Variants in ASPM observed in about 807,000 individuals in gnomAD.
ASPM encodes the protein abnormal spindle-like microcephaly-associated protein.
A neutral mutation model predicts 366.4 loss-of-function variants in ASPM; 256 were observed. That is an observed-to-expected ratio of 0.70 (90% confidence interval 0.63 to 0.77). The LOEUF (loss-of-function observed/expected upper bound fraction) is 0.77, where lower values mean the gene tolerates loss of function less well. Ranked by LOEUF, ASPM falls within the 30% of genes least tolerant of loss-of-function variation. The pLI, the probability that ASPM is intolerant of heterozygous loss-of-function variation, is 0.00. For synonymous variants in ASPM, 1,414 were observed against 1,342.9 expected (o/e 1.05, Z -1.16); for missense variants, 4,146 against 4,090.4 (o/e 1.01, Z -0.37).
Position 197,143,074 on chromosome 1 carries a change from G to C in ASPM, c.1178C>G (p.Pro393Arg). The change falls in exon 3 of 28, where the codon CCT becomes CGT. Residue 393 changes from proline (P) to arginine (R), a missense_variant. Pro to Arg is a moderately radical substitution (Grantham distance 103, BLOSUM62 -2). Around this residue, in one of 3 missense-constraint regions of ASPM, gnomAD observed 512 missense variants for 471.7 expected, o/e 1.09. Coordinates refer to ENST00000367409, the MANE Select transcript of ASPM (RefSeq NM_018136.5). ...CATGTTATCTTTTAAAAATTGATTA[G>C]GGGATAAAATAGGATTAACTGACTC... is the stretch of plus-strand genomic sequence containing the variant. Reference protein sequence around the residue: ...ESESVNPILSPNQFLKDNMAY... With the variant: ...ESESVNPILSRNQFLKDNMAY... 3.1e-6 allele frequency: 5 copies of C among 1,612,810 alleles called. No homozygotes were observed. Among genetic ancestry groups the C allele is most frequent in the East Asian group, 2.2e-5 (1 of 44,848 alleles).
intron 1 of ASPM, 83 bp from the exon 2 acceptor site, chr1:197,144,183 T>A: frequency 1.0e-6 from 1 of 966,706 alleles, no homozygotes; most frequent in Non-Finnish European, 1.6e-6. Context: ...TACAATATAG[T>A]AGGGCTTAAT....
rs1243547838 is a variant in ASPM, at chr1:197,104,050, T to C, written c.5201A>G (p.Lys1734Arg). The C allele has an allele frequency of 6.2e-7, 1 of 1,612,972 alleles. No individual in the cohort carries two copies. Among genetic ancestry groups the C allele is most frequent in the Non-Finnish European group, 8.5e-7 (1 of 1,179,466 alleles). The change falls in exon 18 of 28, where the codon AAA (lysine) becomes AGA (arginine). Residue 1734 changes from lysine to arginine, a missense_variant. Coordinates refer to ENST00000367409, the MANE Select transcript of ASPM (RefSeq NM_018136.5). ...EYMQMRESCI[K>R]LQAFVRGYLV... ...GTATCCTCTAACAAATGCTTGCAGT[T>C]TGATACAAGATTCCCGCATCTGCAT...
In ASPM at chr1:197,089,975, C is replaced by A. The variant is rs1427418520; in HGVS notation, c.9939G>T (p.Met3313Ile). Residue 3313 changes from methionine to isoleucine, a missense_variant, in exon 25 of 28, where the codon ATG becomes ATT. By Grantham distance (10) the Met-to-Ile change is conservative. Coordinates refer to ENST00000367409, the MANE Select transcript of ASPM (RefSeq NM_018136.5). ...CTTGCACAGCATATCTGATGACTTC[C>A]ATACAAGGAATACTGCGATTACAAC... Reference protein sequence around the residue: ...IRSCNRSIPCMEVIRYAVQVL... With the variant: ...IRSCNRSIPCIEVIRYAVQVL... The A allele has an allele frequency of 2.5e-6, 4 of 1,613,258 alleles. No homozygotes were observed. The East Asian group carries it at 6.7e-5, about 27-fold the overall frequency.
intron 3 of ASPM, 135 bp downstream of exon 3, chr1:197,142,196 C>T (rs1320989500): frequency 1.1e-6 from 1 of 950,788 alleles, no homozygotes; most frequent in African/African-American, 1.6e-5. Context: ...AAGCTGTATT[C>T]ACATTTGCTA....
chr1:197,131,304 T>C (rs1349640581), intron 7 of ASPM, among the ~76,000 whole-genome samples: 1 of 152,120 alleles, frequency 6.6e-6, no homozygotes, highest in Non-Finnish European at 1.5e-5. Flanking sequence ...GTAAGAAACC[T>C]AGAAAAAATG....
Position 197,142,782 on chromosome 1 carries a change from A to T in ASPM, c.1470T>A (p.Arg490=). The change falls in exon 3 of 28, where the codon CGT becomes CGA. Residue 490 remains arginine, a synonymous_variant. Coordinates refer to ENST00000367409, the MANE Select transcript of ASPM (RefSeq NM_018136.5). ...TAGTAACAGTGGCAGAAAGTATTGG[A>T]CGTCTCTTAGGTTGTTTATTGTGGC... The part of the protein sequence containing the change: ...SHSHNKQPKR[R]PILSATVTKR... The T allele has an allele frequency of 6.2e-7, 1 of 1,613,634 alleles. No individual in the cohort carries two copies. Among genetic ancestry groups the T allele is most frequent in the Non-Finnish European group, 8.5e-7 (1 of 1,179,572 alleles).
intron 21 of ASPM, among the ~76,000 whole-genome samples, chr1:197,092,257 C>G (rs78137687): frequency 1.3e-5 from 2 of 151,674 alleles, no homozygotes; most frequent in Non-Finnish European, 2.9e-5. Flanking sequence ...TAACTCATAA[C>G]TCAGAGTGTA....
chr1:197,134,122 G>A (rs1658347346), intron 5 of ASPM, among the ~76,000 whole-genome samples: 1 of 151,620 alleles, frequency 6.6e-6, no homozygotes, highest in Non-Finnish European at 1.5e-5. Flanking sequence ...ATCCAGCCAG[G>A]TACAATTGCT....
At chr1:197,096,298 C>G in intron 18 of ASPM, 134 bp from the exon 19 acceptor site, 1 of 757,690 alleles carries the variant, frequency 1.3e-6, no homozygotes, top group East Asian at 2.6e-5. Flanking sequence ...TATCATGACT[C>G]TTTTAGACTT....
intron 17 of ASPM, among the ~76,000 whole-genome samples, chr1:197,107,177 T>G (rs1287331209): frequency 6.6e-6 from 1 of 152,050 alleles, no homozygotes; most frequent in Non-Finnish European, 1.5e-5. Context: ...GATAATGTTG[T>G]TTATGAATTT....
At chr1:197,099,211 T>C (rs575203136) in intron 18 of ASPM, among the ~76,000 whole-genome samples, 14 of 151,658 alleles carry the variant, frequency 9.2e-5, no homozygotes, top group African/African-American at 3.4e-4. Context: ...ATCTTCCACA[T>C]TCCTGCCAGA....
At chr1:197,121,102 A>AT (rs1657894364) in intron 16 of ASPM, among the ~76,000 whole-genome samples, 1 of 152,136 alleles carries the variant, frequency 6.6e-6, no homozygotes, top group African/African-American at 2.4e-5. Context: ...TTTATGATAA[A>AT]TTTTACCAGG....
chr1:197,145,623 AACCAACCAAGGTACTCCTGTC>A (rs2125115627), intron 1 of ASPM, among the ~76,000 whole-genome samples: 1 of 152,270 alleles, frequency 6.6e-6, no homozygotes, highest in South Asian at 2.1e-4. Flanking sequence ...AAGCTGCTTT[AACCAACCAAGGTACTCCTGTC>A]AATCTTAAAA....
At chr1:197,098,839 A>G (rs1012269110) in intron 18 of ASPM, among the ~76,000 whole-genome samples, 8 of 151,552 alleles carry the variant, frequency 5.3e-5, no homozygotes, top group Non-Finnish European at 8.9e-5. Flanking sequence ...TAATGTACAA[A>G]TCAAATTCTA....
At chr1:197,123,995 G>A in intron 13 of ASPM, 115 bp downstream of exon 13, 4 of 858,604 alleles carry the variant, frequency 4.7e-6, no homozygotes, top group Middle Eastern at 3.5e-4. Context: ...GGGAAAGTTT[G>A]CTTACACAGA....
chr1:197,088,624 T>G (rs1392504655), intron 25 of ASPM, among the ~76,000 whole-genome samples, 192 bp from the exon 26 acceptor site: 1 of 152,120 alleles, frequency 6.6e-6, no homozygotes, highest in Non-Finnish European at 1.5e-5. Context: ...TATATGTGTA[T>G]TCACATTTTA....
intron 26 of ASPM, 22 bp from the exon 27 acceptor site, chr1:197,086,994 T>G (rs777398317): frequency 6.3e-7 from 1 of 1,588,002 alleles, no homozygotes; most frequent in Admixed American, 1.7e-5. Flanking sequence ...AATGCACAGT[T>G]ACTAAAAAGT....
intron 4 of ASPM, among the ~76,000 whole-genome samples, chr1:197,138,345 C>T (rs185863790): frequency 3.9e-3 from 601 of 152,238 alleles, no homozygotes; most frequent in Non-Finnish European, 6.6e-3. Context: ...CCTTGTCGCC[C>T]AGGCTGGAGT....
chr1:197,122,582 G>A lies in ASPM; in HGVS notation c.3404C>T (p.Thr1135Ile). 5 of 1,606,490 alleles carry A rather than the reference G, an allele frequency of 3.1e-6. No homozygotes were observed. The highest frequency in any genetic ancestry group is 3.4e-6 in the Non-Finnish European group (4 of 1,175,868). ...AFYNKKVENF[T>I]VSFSDGRVLC... ...CACACGGCCGTCTGAGAAAGACACT[G>A]TAAAATTCTCCACCTGATTGAAAAT... The change falls in exon 14 of 28, where the codon ACA becomes ATA. Residue 1135 changes from threonine (T) to isoleucine (I), a missense_variant. Coordinates refer to ENST00000367409, the MANE Select transcript of ASPM (RefSeq NM_018136.5).
Sources: gnomAD v4.1 joint callset for allele counts (sites outside exome capture counted in the v4.1 genomes callset) on GRCh38, gnomAD v4.1.1 for gene constraint, gnomAD v4.1.1 regional missense constraint, MANE v1.5 for transcripts, NCBI Gene and HGNC (gene_info 2026-07-23, HGNC 2026-07-21) for gene names.